The following MYCT1 variants were observed in gnomAD, a reference collection of about 807,000 sequenced individuals.
MYCT1 encodes myc target protein 1.
MYCT1 carries 12 observed loss-of-function variants against 15.0 expected under a neutral mutation model. That is an observed-to-expected ratio of 0.80 (90% CI 0.51 to 1.29). The LOEUF (loss-of-function observed/expected upper bound fraction) is 1.29. MYCT1 is among the 50% of genes most tolerant of loss of function. The probability of loss-of-function intolerance (pLI) is 0.00; values close to 1 mark genes in which losing one functional copy is unlikely to be tolerated. For synonymous variants in MYCT1, 104 were observed against 102.7 expected (o/e 1.01, Z -0.07); for missense variants, 287 against 279.1 (o/e 1.03, Z -0.20).
chr6:152,734,945 A>C, the MYCT1 span, among the ~76,000 whole-genome samples: 1 of 152,224 alleles, frequency 6.6e-6, no homozygotes, highest in African/African-American at 2.4e-5. Context: ...GAAATTTGGA[A>C]ATTTGTTTTT....
At position 152,722,308 on chromosome 6, in the gene MYCT1, A is replaced by G; in HGVS notation, c.*55A>G. ...CTTGTCTTGTCTTTTATTGAAAGGA[A>G]ATCAAAAATAGGCTAAACAGAATTT... On this transcript the variant is annotated 3_prime_UTR_variant, in exon 2 of 2. Coordinates refer to ENST00000367245, the MANE Select transcript of MYCT1 (RefSeq NM_025107.3). 1 of 1,519,864 alleles carries G rather than the reference A, an allele frequency of 6.6e-7. No individual in the cohort carries two copies. Among genetic ancestry groups the G allele is most frequent in the Non-Finnish European group, 8.8e-7 (1 of 1,138,684 alleles). 94.1% of individuals were successfully genotyped at this position (1,519,864 alleles called of 1,614,324 possible).
chr6:152,708,008 C>A (rs1243218872), intron 1 of MYCT1, among the ~76,000 whole-genome samples: 1 of 151,802 alleles, frequency 6.6e-6, no homozygotes, highest in Non-Finnish European at 1.5e-5. Context: ...TAAAATAATA[C>A]AAACAGCCTG....
chr6:152,698,085 A>G lies in MYCT1; in HGVS notation c.183A>G (p.Pro61=), dbSNP rs1477894477. The change falls in exon 1 of 2, where the codon CCA becomes CCG. Residue 61 remains proline, a synonymous_variant. Coordinates refer to ENST00000367245, the MANE Select transcript of MYCT1 (RefSeq NM_025107.3). ...CAACAAGTTTAGGGAGTCCATGGCC[A>G]GAAAACTTTTGGGGTAAGGTATTTT... ...NNTTSLGSPW[P]ENFWEDLIMS... is the part of the protein sequence containing the mutation. 2 of 1,555,684 alleles carry G rather than the reference A, an allele frequency of 1.3e-6. No individual in the cohort carries two copies. Among genetic ancestry groups the G allele is most frequent in the South Asian group, 1.2e-5 (1 of 80,640 alleles).
chr6:152,708,461 T>C (rs2099722675), intron 1 of MYCT1, among the ~76,000 whole-genome samples: 1 of 151,980 alleles, frequency 6.6e-6, no homozygotes, highest in African/African-American at 2.4e-5. Flanking sequence ...GGAGGGTCAT[T>C]TGAGCCCAAA....
At chr6:152,726,847 A>G (rs2099725755), downstream of MYCT1, among the ~76,000 whole-genome samples, 1 of 152,192 alleles carries the variant, frequency 6.6e-6, no homozygotes, top group Non-Finnish European at 1.5e-5. Flanking sequence ...GACAGCCAGA[A>G]TGGTACTGCC....
At chr6:152,730,579 C>A in the MYCT1 span, among the ~76,000 whole-genome samples, 54 of 152,298 alleles carry the variant, frequency 3.5e-4, 1 homozygote, top group African/African-American at 1.2e-3. Flanking sequence ...TTCTACCAGA[C>A]CTTACTCTTG....
intron 1 of MYCT1, among the ~76,000 whole-genome samples, chr6:152,702,450 T>C (rs2099721475): frequency 1.3e-5 from 2 of 152,220 alleles, no homozygotes; most frequent in Admixed American, 1.3e-4. Context: ...CCTTTTTCTA[T>C]GCATCCTTGC....
the MYCT1 span, among the ~76,000 whole-genome samples, chr6:152,735,017 C>T: frequency 6.6e-6 from 1 of 152,112 alleles, no homozygotes; most frequent in African/African-American, 2.4e-5. Flanking sequence ...TCAGGCAATG[C>T]TTATGAGGTA....
At chr6:152,731,878 G>C in the MYCT1 span, among the ~76,000 whole-genome samples, 143 of 151,648 alleles carry the variant, frequency 9.4e-4, no homozygotes, top group African/African-American at 3.2e-3. Flanking sequence ...CTCCCAAATA[G>C]CTGGGACTAT....
chr6:152,724,278 C>A lies in MYCT1; in HGVS notation c.*2025C>A. ...CTTGCATGTCATCCTTAATGTCTAACATGAAAAATCAGCAAAGAGTATGGT... is the reference window on the plus strand; with the variant it reads ...CTTGCATGTCATCCTTAATGTCTAAAATGAAAAATCAGCAAAGAGTATGGT... On this transcript the variant is annotated 3_prime_UTR_variant, in exon 2 of 2. Coordinates refer to ENST00000367245, the MANE Select transcript of MYCT1 (RefSeq NM_025107.3). The A allele has an allele frequency of 2.1e-5, 3 of 143,492 alleles. No homozygotes were observed. Among genetic ancestry groups the A allele is most frequent in the Admixed American group, 7.1e-5 (1 of 14,100 alleles). The allele number at this position is 143,492 out of a possible 1,614,324, so 8.9% of individuals were successfully genotyped here. A position where few individuals can be genotyped will look rare whatever the true frequency, so the allele number is the denominator to read the frequency against.
the MYCT1 span, among the ~76,000 whole-genome samples, chr6:152,734,670 T>G: frequency 6.6e-6 from 1 of 152,218 alleles, no homozygotes; most frequent in Non-Finnish European, 1.5e-5. Flanking sequence ...TTTGACATTT[T>G]TTTTTTTAGG....
At chr6:152,718,750 A>G (rs2099724182) in intron 1 of MYCT1, among the ~76,000 whole-genome samples, 1 of 152,104 alleles carries the variant, frequency 6.6e-6, no homozygotes, top group Admixed American at 6.6e-5. Flanking sequence ...AAATACTTTC[A>G]TTGAGTAACT....
At chr6:152,744,263 G>A in the MYCT1 span, among the ~76,000 whole-genome samples, 2 of 152,144 alleles carry the variant, frequency 1.3e-5, no homozygotes, top group African/African-American at 4.8e-5. Flanking sequence ...AGACCGGCTC[G>A]GGGCTAGAGT....
Position 152,697,978 on chromosome 6 carries a change from CT to C in MYCT1, c.77del (p.Leu26ArgfsTer31). On this transcript the variant is annotated frameshift_variant, in exon 1 of 2. Transcript: ENST00000367245. LOFTEE classifies it high-confidence loss of function. ...TGTACTACAAAGAGATAGAATCAAA[CT>C]GCTTTTTTTCGACATACTGGTTTTT... is the stretch of plus-strand genomic sequence containing the variant. ...LAVLQRDRIKLLFFDILVFLS... is the reference protein window; with the variant it reads ...LAVLQRDRIKXLFFDILVFLS... 6.2e-7 allele frequency: 1 copy of C among 1,608,536 alleles called. No homozygotes were observed. Among genetic ancestry groups the C allele is most frequent in the Non-Finnish European group, 8.5e-7 (1 of 1,177,810 alleles).
At chr6:152,746,390 G>A in the MYCT1 span, among the ~76,000 whole-genome samples, 1 of 152,194 alleles carries the variant, frequency 6.6e-6, no homozygotes, top group African/African-American at 2.4e-5. Flanking sequence ...CTGGACAAAG[G>A]GATGATTCAC....
rs1019924296 is a variant in MYCT1, at chr6:152,716,732, T to C, written c.197-5010T>C. Among the ~76,000 whole-genome samples the C allele has an allele frequency of 9.8e-5, 15 of 152,334 alleles. 1 individual carries two copies. Among genetic ancestry groups the C allele is most frequent in the East Asian group, 5.8e-4 (3 of 5,188 alleles). ...GTTATGTGCCATCTACTTGCTAGTT[T>C]TGTAGGTACGTATTACAAATTAGGA... On this transcript the variant is annotated intron_variant, in intron 1 of 1. Transcript: ENST00000367245.
At chr6:152,716,213 A>G (rs1250643090) in intron 1 of MYCT1, among the ~76,000 whole-genome samples, 1 of 152,184 alleles carries the variant, frequency 6.6e-6, no homozygotes, top group Non-Finnish European at 1.5e-5. Flanking sequence ...GTTCTGGCAC[A>G]TGAGATATAA....
At chr6:152,739,996 TAC>T in the MYCT1 span, among the ~76,000 whole-genome samples, 1 of 152,058 alleles carries the variant, frequency 6.6e-6, no homozygotes, top group Non-Finnish European at 1.5e-5. Context: ...AAAATAAAAA[TAC>T]AGACTCCTTC....
intron 1 of MYCT1, among the ~76,000 whole-genome samples, chr6:152,701,435 G>A (rs1054076185): frequency 2.0e-5 from 3 of 152,218 alleles, no homozygotes; most frequent in Admixed American, 2.0e-4. Flanking sequence ...AGGCAGGTTG[G>A]AGGCAGATTT....
Sources: allele counts gnomAD v4.1 joint callset (sites outside exome capture counted in the v4.1 genomes callset), GRCh38; gene constraint gnomAD v4.1.1; transcripts MANE v1.5; gene names NCBI Gene and HGNC (gene_info 2026-07-23, HGNC 2026-07-21).